BAZ2B: variants seen among roughly 807,000 people sequenced by gnomAD.
BAZ2B encodes bromodomain adjacent to zinc finger domain protein 2B.
A neutral mutation model predicts 246.0 loss-of-function variants in BAZ2B; 91 were observed. The observed-to-expected ratio is 0.37, with a 90% confidence interval of 0.31 to 0.44. The LOEUF is 0.44. BAZ2B is among the 20% of genes least tolerant of loss of function. The pLI, the probability that BAZ2B is intolerant of heterozygous loss-of-function variation, is 1.00. For missense variants in BAZ2B, 2,332 were observed against 2,533.7 expected (o/e 0.92, Z 1.71); for synonymous variants, 855 against 860.0 (o/e 0.99, Z 0.10).
chr2:159,605,447 C>T (rs1439558670), intron 1 of BAZ2B, among the ~76,000 whole-genome samples: 1 of 152,112 alleles, frequency 6.6e-6, no homozygotes, highest in African/African-American at 2.4e-5. Context: ...TACCCATGTA[C>T]ATGTAATTAA....
intron 1 of BAZ2B, among the ~76,000 whole-genome samples, chr2:159,589,784 C>T (rs1241476276): frequency 6.6e-6 from 1 of 152,156 alleles, no homozygotes. Context: ...AACATTTTTA[C>T]TGATTGGAAA....
At chr2:159,517,715 A>G (rs1373287849) in intron 2 of BAZ2B, among the ~76,000 whole-genome samples, 1 of 152,186 alleles carries the variant, frequency 6.6e-6, no homozygotes, top group Non-Finnish European at 1.5e-5. Context: ...ACAAATAACA[A>G]AAAGAACACC....
intron 1 of BAZ2B, among the ~76,000 whole-genome samples, chr2:159,604,209 A>AT (rs913229329): frequency 2.6e-5 from 4 of 151,980 alleles, no homozygotes; most frequent in African/African-American, 9.7e-5. Flanking sequence ...ATGGGAATTT[A>AT]TTTTTTTTAA....
At chr2:159,386,674 T>TC in intron 21 of BAZ2B, 67 bp from the exon 22 acceptor site, 2 of 1,433,790 alleles carry the variant, frequency 1.4e-6, no homozygotes, top group Non-Finnish European at 1.9e-6. Flanking sequence ...TGATTTCGTA[T>TC]CTTCTAAAGT....
upstream of BAZ2B, among the ~76,000 whole-genome samples, chr2:159,618,704 A>G (rs1026019004): frequency 6.6e-6 from 1 of 152,110 alleles, no homozygotes; most frequent in Non-Finnish European, 1.5e-5. Flanking sequence ...TATTACTGAC[A>G]CTTTACCTAA....
At chr2:159,700,753 T>C in the BAZ2B span, among the ~76,000 whole-genome samples, 3 of 152,184 alleles carry the variant, frequency 2.0e-5, no homozygotes, top group Admixed American at 6.5e-5. Context: ...CCCTGTATTG[T>C]TGTTTCTTAT....
At chr2:159,701,107 T>C in the BAZ2B span, among the ~76,000 whole-genome samples, 1 of 152,176 alleles carries the variant, frequency 6.6e-6, no homozygotes, top group African/African-American at 2.4e-5. Flanking sequence ...GCTTGGTCTC[T>C]CATAAAAACT....
chr2:159,482,689 A>T (rs555217878), intron 2 of BAZ2B, among the ~76,000 whole-genome samples: 35 of 152,302 alleles, frequency 2.3e-4, no homozygotes, highest in Non-Finnish European at 4.3e-4. Context: ...GTGGTAAGGT[A>T]CGTTATCTTA....
chr2:159,552,446 G>A (rs976748836), intron 2 of BAZ2B, among the ~76,000 whole-genome samples: 3 of 152,106 alleles, frequency 2.0e-5, no homozygotes, highest in African/African-American at 7.2e-5. Flanking sequence ...ATTCTATCAC[G>A]AAGAGGGAGG....
At chr2:159,326,858 T>C (rs2063786290) in intron 34 of BAZ2B, among the ~76,000 whole-genome samples, 1 of 152,198 alleles carries the variant, frequency 6.6e-6, no homozygotes, top group Non-Finnish European at 1.5e-5. Flanking sequence ...GAGTTAAATG[T>C]TATAATAAAT....
At chr2:159,660,954 T>C in the BAZ2B span, among the ~76,000 whole-genome samples, 1 of 152,292 alleles carries the variant, frequency 6.6e-6, no homozygotes, top group Non-Finnish European at 1.5e-5. Context: ...ATATACAAAA[T>C]ACACATATGT....
the BAZ2B span, among the ~76,000 whole-genome samples, chr2:159,652,657 G>C: frequency 4.6e-5 from 7 of 152,144 alleles, no homozygotes; most frequent in East Asian, 1.2e-3. Flanking sequence ...TTGCCCAAAG[G>C]CTTCATGCAT....
chr2:159,452,687 G>T (rs572023907), intron 4 of BAZ2B, among the ~76,000 whole-genome samples: 1 of 152,120 alleles, frequency 6.6e-6, no homozygotes, highest in Admixed American at 6.6e-5. Context: ...CACGTTTGTC[G>T]AAAGTTTTAA....
chr2:159,469,057 A>G (rs1283537289), intron 3 of BAZ2B, among the ~76,000 whole-genome samples: 1 of 151,266 alleles, frequency 6.6e-6, no homozygotes, highest in Non-Finnish European at 1.5e-5. Flanking sequence ...CTCAAAAAAA[A>G]AAAAAAAAAA....
intron 13 of BAZ2B, among the ~76,000 whole-genome samples, chr2:159,426,998 T>C (rs1377439951): frequency 6.6e-6 from 1 of 152,176 alleles, no homozygotes; most frequent in Non-Finnish European, 1.5e-5. Flanking sequence ...CTGAGCATTT[T>C]AGCCTTTTGA....
chr2:159,340,777 A>C (rs1456776025), intron 31 of BAZ2B, among the ~76,000 whole-genome samples: 1 of 152,138 alleles, frequency 6.6e-6, no homozygotes, highest in Non-Finnish European at 1.5e-5. Flanking sequence ...CCTATATCTG[A>C]AAGTAAAAAG....
the BAZ2B span, among the ~76,000 whole-genome samples, chr2:159,645,225 T>C: frequency 6.6e-6 from 1 of 152,092 alleles, no homozygotes; most frequent in Non-Finnish European, 1.5e-5. Flanking sequence ...TGAGCTATGA[T>C]GGTGCCATTG....
At chr2:159,615,630 A>G (rs1301683166) in intron 1 of BAZ2B, 1 of 149,574 alleles carries the variant, frequency 6.7e-6, no homozygotes, top group Admixed American at 6.6e-5. Flanking sequence ...AAAGGGCAGC[A>G]GGAGGCGGAC....
intron 1 of BAZ2B, among the ~76,000 whole-genome samples, chr2:159,558,729 G>C (rs1031070006): frequency 1.3e-5 from 2 of 152,176 alleles, no homozygotes; most frequent in African/African-American, 2.4e-5. Context: ...AATAAGAGAA[G>C]TGGAATTGCA....
Sources: gnomAD v4.1 joint callset for allele counts (sites outside exome capture counted in the v4.1 genomes callset) on GRCh38, gnomAD v4.1.1 for gene constraint, MANE v1.5 for transcripts, NCBI Gene and HGNC (gene_info 2026-07-23, HGNC 2026-07-21) for gene names.